CLEC16A: variants seen among roughly 807,000 people sequenced by gnomAD.
CLEC16A encodes the protein protein CLEC16A.
CLEC16A carries 51 observed loss-of-function variants against 109.5 expected under a neutral mutation model. The ratio of observed to expected loss-of-function variants is 0.47; its 90% CI spans 0.37 to 0.59. CLEC16A has a LOEUF of 0.59. Among genes scored for constraint, CLEC16A ranks in the 20% least tolerant of loss-of-function variants. CLEC16A has a pLI of 0.00. For missense variants in CLEC16A, 1,339 were observed against 1,394.0 expected (o/e 0.96, Z 0.63); for synonymous variants, 673 against 564.2 (o/e 1.19, Z -2.73).
chr16:11,012,799 C>T (rs1023604573), intron 11 of CLEC16A, among the ~76,000 whole-genome samples: 1 of 152,148 alleles, frequency 6.6e-6, no homozygotes, highest in African/African-American at 2.4e-5. Flanking sequence ...ATCTGGTAGG[C>T]TTGTTGAATG....
chr16:10,949,897 C>T (rs2041634614), intron 1 of CLEC16A, among the ~76,000 whole-genome samples: 1 of 152,152 alleles, frequency 6.6e-6, no homozygotes, highest in Non-Finnish European at 1.5e-5. Flanking sequence ...CTCGCCTGCC[C>T]ACTTGAGGTC....
intron 11 of CLEC16A, among the ~76,000 whole-genome samples, chr16:11,010,547 T>C (rs1328520519): frequency 1.3e-5 from 2 of 152,148 alleles, no homozygotes; most frequent in African/African-American, 2.4e-5. Flanking sequence ...TTGTATTTTC[T>C]CTGTCTGCAC....
intron 3 of CLEC16A, 113 bp from the exon 4 acceptor site, chr16:10,969,048 C>T (rs536283406): frequency 3.6e-5 from 30 of 823,224 alleles, no homozygotes; most frequent in Non-Finnish European, 5.4e-5. Flanking sequence ...TGTTTAATCC[C>T]AGCAACCCAG....
chr16:11,028,075 C>T (rs866003739), intron 13 of CLEC16A, among the ~76,000 whole-genome samples: 6 of 152,322 alleles, frequency 3.9e-5, no homozygotes, highest in Middle Eastern at 3.4e-3. Context: ...TGGCGCATGC[C>T]TGTAATCCCA....
intron 23 of CLEC16A, among the ~76,000 whole-genome samples, chr16:11,176,573 C>T (rs929760805): frequency 3.4e-4 from 52 of 152,188 alleles, no homozygotes; most frequent in African/African-American, 1.1e-3. Context: ...CCCGTCTCTA[C>T]AAAAAACTTT....
chr16:11,163,771 C>T (rs1426443274), intron 22 of CLEC16A, among the ~76,000 whole-genome samples: 6 of 152,158 alleles, frequency 3.9e-5, no homozygotes, highest in East Asian at 1.9e-4. Context: ...CCCTTCCAGC[C>T]GGGGTCATTG....
At chr16:10,975,589 C>T (rs1167191287) in intron 7 of CLEC16A, among the ~76,000 whole-genome samples, 1 of 152,152 alleles carries the variant, frequency 6.6e-6, no homozygotes, top group Non-Finnish European at 1.5e-5. Context: ...GGTTCATAGA[C>T]ATTCATTATA....
Position 11,165,588 on chromosome 16 carries a change from A to G in CLEC16A, c.2642-800A>G, listed in dbSNP as rs115228623. Among the ~76,000 whole-genome samples the G allele has an allele frequency of 8.5e-3, 1,292 of 152,252 alleles. 17 individuals carry two copies. The highest frequency in any genetic ancestry group is 0.03 in the African/African-American group (1,242 of 41,548). On this transcript the variant is annotated intron_variant, in intron 22 of 23. Coordinates refer to ENST00000409790, the MANE Select transcript of CLEC16A (RefSeq NM_015226.3). ...ATAGTTCTTTCATTTTATTCCCACA[A>G]CAGTGGGAGTATGTAGTGATACTCC...
At chr16:11,043,316 T>C (rs1873189043) in intron 15 of CLEC16A, among the ~76,000 whole-genome samples, 1 of 152,138 alleles carries the variant, frequency 6.6e-6, no homozygotes, top group African/African-American at 2.4e-5. Flanking sequence ...AGGCTGAGGC[T>C]GGAAGATTGC....
chr16:11,071,801 G>A (rs1270584886), intron 19 of CLEC16A, among the ~76,000 whole-genome samples: 1 of 125,966 alleles, frequency 7.9e-6, no homozygotes, highest in Non-Finnish European at 1.6e-5. Flanking sequence ...TCGCTGTGTT[G>A]CCCAGGCTGG....
intron 19 of CLEC16A, among the ~76,000 whole-genome samples, chr16:11,110,617 C>T (rs994068998): frequency 6.6e-6 from 1 of 152,150 alleles, no homozygotes; most frequent in Admixed American, 6.5e-5. Flanking sequence ...AATGTCATGG[C>T]ACTTCCGAGC....
intron 8 of CLEC16A, among the ~76,000 whole-genome samples, chr16:10,978,637 C>G (rs896819899): frequency 2.6e-5 from 4 of 152,168 alleles, no homozygotes; most frequent in African/African-American, 4.8e-5. Context: ...TTCCTTTCCT[C>G]TTATTTCCTG....
chr16:11,094,882 G>A (rs1298254004), intron 19 of CLEC16A, among the ~76,000 whole-genome samples: 1 of 152,172 alleles, frequency 6.6e-6, no homozygotes, highest in Non-Finnish European at 1.5e-5. Context: ...AGGGGCTGTG[G>A]GCCTTTAAGC....
chr16:11,103,137 G>C (rs2152987784), intron 19 of CLEC16A, among the ~76,000 whole-genome samples: 1 of 152,358 alleles, frequency 6.6e-6, no homozygotes, highest in East Asian at 1.9e-4. Context: ...CAGAGGTTTG[G>C]TGGAAAATGG....
chr16:11,129,601 C>T (rs1188958907), intron 22 of CLEC16A, among the ~76,000 whole-genome samples: 1 of 152,230 alleles, frequency 6.6e-6, no homozygotes, highest in Non-Finnish European at 1.5e-5. Flanking sequence ...CTGTGGCCTT[C>T]CCTGCCCCAG....
chr16:11,124,011 C>G (rs1037642542), intron 21 of CLEC16A, 65 bp downstream of exon 21: 2 of 1,434,910 alleles, frequency 1.4e-6, no homozygotes, highest in Admixed American at 4.0e-5. Context: ...GTTTGTAGTT[C>G]TCACACTGAC....
intron 11 of CLEC16A, among the ~76,000 whole-genome samples, chr16:11,009,856 C>A (rs2045290923): frequency 6.6e-6 from 1 of 152,048 alleles, no homozygotes; most frequent in Non-Finnish European, 1.5e-5. Flanking sequence ...ACAGGGAGAG[C>A]CTTAAAGAAT....
intron 6 of CLEC16A, 49 bp downstream of exon 6, chr16:10,972,608 G>A: frequency 6.5e-7 from 1 of 1,527,244 alleles, no homozygotes; most frequent in Non-Finnish European, 9.1e-7. Context: ...ACCCTTATAT[G>A]TAAATACCTT....
chr16:10,983,103 T>C (rs765200722), intron 10 of CLEC16A, 112 bp downstream of exon 10: 63 of 627,510 alleles, frequency 1.0e-4, no homozygotes, highest in Non-Finnish European at 1.8e-4. Context: ...GCAGTGATGA[T>C]GCATAAGCTG....
Sources: gnomAD v4.1 joint callset for allele counts (sites outside exome capture counted in the v4.1 genomes callset) on GRCh38, gnomAD v4.1.1 for gene constraint, MANE v1.5 for transcripts, NCBI Gene and HGNC (gene_info 2026-07-23, HGNC 2026-07-21) for gene names.